BMP6: variants seen among roughly 807,000 people sequenced by gnomAD.
BMP6 encodes the protein bone morphogenetic protein 6, also known as VG-1-R.
A neutral mutation model predicts 54.1 loss-of-function variants in BMP6; 17 were observed. That is an observed-to-expected ratio of 0.31 (90% confidence interval 0.22 to 0.47). The LOEUF is 0.47. Ranked by LOEUF, BMP6 falls within the 20% of genes least tolerant of loss-of-function variation. BMP6 has a pLI of 1.00. For missense variants in BMP6, 720 were observed against 690.4 expected, an observed-to-expected ratio of 1.04 and a Z score of -0.48; for synonymous variants, 328 against 291.2, an observed-to-expected ratio of 1.13 and a Z score of -1.28.
chr6:7,730,541 C>G (rs1313839580), intron 1 of BMP6, among the ~76,000 whole-genome samples: 2 of 152,146 alleles, frequency 1.3e-5, no homozygotes, highest in Non-Finnish European at 2.9e-5. Flanking sequence ...AAGTAGAATC[C>G]AAGCAGCAAG....
intron 1 of BMP6, among the ~76,000 whole-genome samples, chr6:7,838,383 A>G (rs567109073): frequency 1.3e-5 from 2 of 152,288 alleles, no homozygotes; most frequent in African/African-American, 4.8e-5. Flanking sequence ...GGAAAATTGT[A>G]TAACTTGAAA....
intron 1 of BMP6, among the ~76,000 whole-genome samples, chr6:7,824,565 T>G (rs1758663349): frequency 6.6e-6 from 1 of 152,232 alleles, no homozygotes; most frequent in Non-Finnish European, 1.5e-5. Context: ...ATTCAGTCTA[T>G]TTGTAGTGTA....
chr6:7,843,650 A>G (rs1303463621), intron 1 of BMP6, among the ~76,000 whole-genome samples: 4 of 152,138 alleles, frequency 2.6e-5, no homozygotes, highest in African/African-American at 4.8e-5. Flanking sequence ...GAACAGGAAC[A>G]GCAAGGCAGA....
chr6:7,870,163 A>T (rs563790919), intron 4 of BMP6, among the ~76,000 whole-genome samples: 6 of 152,184 alleles, frequency 3.9e-5, no homozygotes, highest in Non-Finnish European at 7.4e-5. Flanking sequence ...AACATGGAGG[A>T]ATGACAGATA....
At chr6:7,800,013 A>G (rs756759120) in intron 1 of BMP6, among the ~76,000 whole-genome samples, 1 of 151,918 alleles carries the variant, frequency 6.6e-6, no homozygotes, top group South Asian at 2.1e-4. Flanking sequence ...GGAGTTGTTT[A>G]TATTAACTTT....
At chr6:7,755,045 C>T (rs547363569) in intron 1 of BMP6, among the ~76,000 whole-genome samples, 3 of 152,182 alleles carry the variant, frequency 2.0e-5, no homozygotes, top group Non-Finnish European at 2.9e-5. Flanking sequence ...TAACTTTTAA[C>T]TTATCTGTGT....
intron 4 of BMP6, among the ~76,000 whole-genome samples, chr6:7,876,025 A>C (rs907345373): frequency 2.6e-5 from 4 of 152,170 alleles, no homozygotes; most frequent in African/African-American, 9.7e-5. Flanking sequence ...CGTACTTCAG[A>C]TGCTAGGGGA....
intron 1 of BMP6, among the ~76,000 whole-genome samples, chr6:7,826,813 G>C (rs1333192360): frequency 6.6e-6 from 1 of 151,994 alleles, no homozygotes; most frequent in Admixed American, 6.5e-5. Flanking sequence ...AGTCCTGTGT[G>C]TTTGCCTATC....
intron 1 of BMP6, among the ~76,000 whole-genome samples, chr6:7,799,939 A>G (rs902560968): frequency 6.6e-6 from 1 of 152,208 alleles, no homozygotes; most frequent in African/African-American, 2.4e-5. Context: ...AGGTGTCATC[A>G]ATAAGCATAC....
intron 1 of BMP6, among the ~76,000 whole-genome samples, chr6:7,735,478 A>G (rs1231329111): frequency 1.3e-5 from 2 of 152,240 alleles, no homozygotes; most frequent in Non-Finnish European, 2.9e-5. Context: ...CTACAAAATT[A>G]AGGACTAAAA....
At chr6:7,867,519 G>A (rs1326330480) in intron 4 of BMP6, among the ~76,000 whole-genome samples, 1 of 152,230 alleles carries the variant, frequency 6.6e-6, no homozygotes, top group South Asian at 2.1e-4. Flanking sequence ...GGGATAGCCA[G>A]AGCTGACTGG....
intron 1 of BMP6, among the ~76,000 whole-genome samples, chr6:7,827,264 A>G (rs1293965092): frequency 6.6e-6 from 1 of 152,192 alleles, no homozygotes; most frequent in Non-Finnish European, 1.5e-5. Context: ...AGGGGAAAAC[A>G]GCACGTTAAG....
At chr6:7,727,770 G>C in intron 1 of BMP6, 151 bp downstream of exon 1, 1 of 997,122 alleles carries the variant, frequency 1.0e-6, no homozygotes, top group Middle Eastern at 3.1e-4. Context: ...CTGTGCTCCC[G>C]CCACCTGCGC....
intron 1 of BMP6, among the ~76,000 whole-genome samples, chr6:7,761,735 T>G (rs1172111891): frequency 1.3e-5 from 2 of 152,354 alleles, no homozygotes; most frequent in South Asian, 2.1e-4. Flanking sequence ...CATTGATATC[T>G]TCAGAGTAGA....
intron 1 of BMP6, among the ~76,000 whole-genome samples, chr6:7,756,531 C>G (rs1757517634): frequency 1.3e-5 from 2 of 152,176 alleles, no homozygotes; most frequent in South Asian, 4.1e-4. Flanking sequence ...TTTCCTACAT[C>G]TTCAAATGCT....
At chr6:7,861,698 C>T in intron 3 of BMP6, 99 bp downstream of exon 3, 2 of 1,506,092 alleles carry the variant, frequency 1.3e-6, no homozygotes, top group Middle Eastern at 1.8e-4. Context: ...ACAGGCAAGT[C>T]CTCAGCTTCA....
At chr6:7,745,676 G>A (rs1372442004) in intron 1 of BMP6, among the ~76,000 whole-genome samples, 3 of 152,182 alleles carry the variant, frequency 2.0e-5, no homozygotes, top group African/African-American at 7.2e-5. Flanking sequence ...ACTGTGGTGA[G>A]TACTGGCTGC....
chr6:7,833,922 C>T (rs1389624169), intron 1 of BMP6, among the ~76,000 whole-genome samples: 1 of 152,210 alleles, frequency 6.6e-6, no homozygotes, highest in Non-Finnish European at 1.5e-5. Flanking sequence ...CCAGGATAAA[C>T]AAAAGCAAAC....
chr6:7,880,236 G>A lies in BMP6; in HGVS notation c.1435G>A (p.Ala479Thr), dbSNP rs1451635505. The A allele has an allele frequency of 3.1e-6, 5 of 1,614,010 alleles. No individual in the cohort carries two copies. The highest frequency in any genetic ancestry group is 4.2e-6 in the Non-Finnish European group (5 of 1,180,044). ...CGAGTATGTCCCCAAACCGTGCTGT[G>A]CGCCAACTAAGCTAAATGCCATCTC... ...NPEYVPKPCC[A>T]PTKLNAISVL... The change falls in exon 7 of 7, where the codon GCG (alanine) becomes ACG (threonine). Residue 479 changes from alanine to threonine, a missense_variant. Physicochemically the swap from Ala to Thr is moderately conservative, Grantham distance 58 (BLOSUM62 0). This residue lies in a region of BMP6 where 43 missense variants were observed against 54.0 expected (regional missense o/e 0.80). Transcript: ENST00000283147.
Sources: gnomAD v4.1 joint callset for allele counts (sites outside exome capture counted in the v4.1 genomes callset) on GRCh38, gnomAD v4.1.1 for gene constraint, gnomAD v4.1.1 regional missense constraint, MANE v1.5 for transcripts, NCBI Gene and HGNC (gene_info 2026-07-23, HGNC 2026-07-21) for gene names.